Variants in RGS12 observed in about 807,000 individuals in gnomAD.
RGS12 encodes the protein regulator of G-protein signaling 12.
In RGS12, 66 loss-of-function variants were observed where a neutral mutation model predicts 120.1. The ratio of observed to expected loss-of-function variants is 0.55; its 90% CI spans 0.45 to 0.67. The LOEUF is 0.67. RGS12 is among the 30% of genes least tolerant of loss of function. The pLI is 0.00. For synonymous variants in RGS12, 827 were observed against 804.7 expected (o/e 1.03, Z -0.47); for missense variants, 1,859 against 1,957.7 (o/e 0.95, Z 0.95).
intron 3 of RGS12, among the ~76,000 whole-genome samples, chr4:3,359,931 A>C (rs568538914): frequency 1.0e-3 from 156 of 151,862 alleles, no homozygotes; most frequent in African/African-American, 3.3e-3. Context: ...CCATACTTTT[A>C]CATTTTTTTT....
In RGS12 at chr4:3,316,991, T is replaced by G; in HGVS notation, c.821T>G (p.Met274Arg). Residue 274 changes from methionine (M) to arginine (R), a missense_variant, in exon 2 of 18, where the codon ATG becomes AGG. Met to Arg is a moderately conservative substitution (Grantham distance 91). Around this residue, in one of 3 missense-constraint regions of RGS12, gnomAD observed 967 missense variants for 994.2 expected, o/e 0.97. Transcript: ENST00000336727. Reference protein sequence around the residue: ...AEQKIHSLVTMKIMHDCVQLS... With the variant: ...AEQKIHSLVTRKIMHDCVQLS... ...CAGAAAATCCACTCGCTGGTGACCA[T>G]GAAGATCATGCACGACTGTGTGCAG... 1 of 1,613,726 alleles carries G rather than the reference T, an allele frequency of 6.2e-7. No homozygotes were observed. The highest frequency in any genetic ancestry group is 2.2e-5 in the East Asian group (1 of 44,870).
rs374517362 is a variant in RGS12 at position 3,321,552 on chromosome 4, CG to C, written c.1881+3502del. On this transcript the variant is annotated intron_variant, in intron 2 of 17. Coordinates refer to ENST00000336727, the MANE Select transcript of RGS12 (RefSeq NM_001394154.1). ...TGCCTTGGTGTCTGGCACAGTGCCC[CG>C]TTAGGCTACCCAGCGTCTGTATGCA... Among the ~76,000 whole-genome samples, 218 of 152,324 alleles carry C rather than the reference CG, an allele frequency of 1.4e-3. 1 individual carries two copies. Among genetic ancestry groups the C allele is most frequent in the African/African-American group, 5.1e-3 (213 of 41,570 alleles).
intron 6 of RGS12, 105 bp from the exon 7 acceptor site, chr4:3,415,873 C>T (rs1006193900): frequency 3.3e-6 from 4 of 1,202,314 alleles, no homozygotes; most frequent in Non-Finnish European, 3.5e-6. Context: ...TTACTGGGGC[C>T]CGTGAGAACA....
At chr4:3,403,778 A>C (rs1488335672) in intron 4 of RGS12, among the ~76,000 whole-genome samples, 4 of 152,198 alleles carry the variant, frequency 2.6e-5, no homozygotes, top group African/African-American at 9.6e-5. Context: ...CCTCACAGGG[A>C]TTCCCGTAAG....
chr4:3,396,628 C>T (rs1286713953), intron 4 of RGS12, among the ~76,000 whole-genome samples: 1 of 152,186 alleles, frequency 6.6e-6, no homozygotes, highest in Non-Finnish European at 1.5e-5. Flanking sequence ...GTCTGTTTGT[C>T]TATCATTGGA....
intron 13 of RGS12, 140 bp from the exon 14 acceptor site, chr4:3,425,324 T>G (rs1390518398): frequency 1.3e-6 from 1 of 741,554 alleles, no homozygotes; most frequent in African/African-American, 1.7e-5. Flanking sequence ...TGTGCCTCAG[T>G]CAGGCAGGCC....
Position 3,316,442 on chromosome 4 carries a change from T to C in RGS12, c.272T>C (p.Leu91Pro). 3 of 1,614,216 alleles carry C rather than the reference T, an allele frequency of 1.9e-6. No homozygotes were observed. Among genetic ancestry groups the C allele is most frequent in the South Asian group, 2.2e-5 (2 of 91,088 alleles). The change falls in exon 2 of 18, where the codon CTT (leucine) becomes CCT (proline). Residue 91 changes from leucine (L) to proline (P), a missense_variant. Physicochemically the swap from Leu to Pro is moderately conservative, Grantham distance 98 (BLOSUM62 -3). Coordinates refer to ENST00000336727, the MANE Select transcript of RGS12 (RefSeq NM_001394154.1). ...VKLIGKCSGV[L>P]HMVIAEGVGR... is the part of the protein sequence containing the mutation. Reference sequence around the variant, plus strand: ...TTAATTGGGAAGTGCTCTGGTGTCCTTCACATGGTGATTGCTGAAGGCGTC... The same window carrying C: ...TTAATTGGGAAGTGCTCTGGTGTCCCTCACATGGTGATTGCTGAAGGCGTC...
intron 4 of RGS12, among the ~76,000 whole-genome samples, chr4:3,406,283 C>T (rs2109058568): frequency 6.6e-6 from 1 of 152,346 alleles, no homozygotes; most frequent in South Asian, 2.1e-4. Flanking sequence ...CTTCCTGTGC[C>T]TCAGAAACTG....
At chr4:3,394,343 A>G (rs1719838005) in intron 4 of RGS12, among the ~76,000 whole-genome samples, 1 of 152,102 alleles carries the variant, frequency 6.6e-6, no homozygotes, top group African/African-American at 2.4e-5. Context: ...TTGTATTTTT[A>G]GTAGAGATGG....
intron 13 of RGS12, among the ~76,000 whole-genome samples, chr4:3,424,269 A>C (rs1047921553): frequency 1.3e-5 from 2 of 152,254 alleles, no homozygotes; most frequent in African/African-American, 4.8e-5. Flanking sequence ...CTTTCCTTGA[A>C]AACTTTATTG....
At chr4:3,292,996 C>T (rs1470601314), upstream of RGS12, 2 of 149,992 alleles carry the variant, frequency 1.3e-5, no homozygotes, top group African/African-American at 4.9e-5. Context: ...TCGGCCCCGC[C>T]CTCGCCTCGA....
At chr4:3,409,538 C>A (rs1327204705) in intron 4 of RGS12, among the ~76,000 whole-genome samples, 1 of 152,152 alleles carries the variant, frequency 6.6e-6, no homozygotes, top group Non-Finnish European at 1.5e-5. Flanking sequence ...GGAGAGCAGC[C>A]CTGTGGGTAG....
the RGS12 span, among the ~76,000 whole-genome samples, chr4:3,286,700 G>C: frequency 6.6e-6 from 1 of 152,198 alleles, no homozygotes; most frequent in Non-Finnish European, 1.5e-5. Context: ...AGCCAGGCGG[G>C]GCCAGCGCTG....
In RGS12 at chr4:3,365,276, C is replaced by A. The variant is rs937855922; in HGVS notation, c.1999-21140C>A. On this transcript the variant is annotated intron_variant, in intron 3 of 17. Transcript: ENST00000336727. This position sits in a 1 kb window ranked among gnomAD's most constrained non-coding sequence, Gnocchi z 4.0. ...TCCGTCTGCTGTTTTCATGCTACAGCGGCAGAGTGGGGTCGAGTGCGTGGT... is the reference window on the plus strand; with the variant it reads ...TCCGTCTGCTGTTTTCATGCTACAGAGGCAGAGTGGGGTCGAGTGCGTGGT... Among the ~76,000 whole-genome samples the A allele has an allele frequency of 6.6e-6, 1 of 152,120 alleles. No homozygotes were observed. The highest frequency in any genetic ancestry group is 1.5e-5 in the Non-Finnish European group (1 of 68,012).
intron 16 of RGS12, among the ~76,000 whole-genome samples, chr4:3,429,002 C>T (rs906424291): frequency 2.0e-5 from 3 of 152,354 alleles, no homozygotes; most frequent in East Asian, 1.9e-4. Context: ...CTCCCTCTCA[C>T]CCCAGCTCCT....
chr4:3,383,971 G>A (rs1018575283), intron 3 of RGS12, among the ~76,000 whole-genome samples: 2 of 152,266 alleles, frequency 1.3e-5, no homozygotes. Context: ...CACTTTGTTC[G>A]GCCTGCCAGA....
At chr4:3,411,218 C>T (rs1002266118) in intron 4 of RGS12, among the ~76,000 whole-genome samples, 4 of 152,222 alleles carry the variant, frequency 2.6e-5, no homozygotes, top group Non-Finnish European at 5.9e-5. Context: ...CCGTGCACCC[C>T]ACTCACTACC....
Position 3,316,250 on chromosome 4 carries a change from G to C in RGS12, c.80G>C (p.Arg27Pro), listed in dbSNP as rs144806041. The change falls in exon 2 of 18, where the codon CGG (arginine) becomes CCG (proline). Residue 27 changes from arginine to proline, a missense_variant. By Grantham distance (103) the Arg-to-Pro change is moderately radical. Coordinates refer to ENST00000336727, the MANE Select transcript of RGS12 (RefSeq NM_001394154.1). ...PPRVRSVEVARGRAGYGFTLS... is the reference protein window; with the variant it reads ...PPRVRSVEVAPGRAGYGFTLS... ...AGGGTGCGGAGTGTGGAGGTTGCCCGGGGGAGGGCCGGCTACGGATTCACG... is the reference window on the plus strand; with the variant it reads ...AGGGTGCGGAGTGTGGAGGTTGCCCCGGGGAGGGCCGGCTACGGATTCACG... 6 of 1,613,182 alleles carry C rather than the reference G, an allele frequency of 3.7e-6. No individual in the cohort carries two copies. The highest frequency in any genetic ancestry group is 2.7e-5 in the African/African-American group (2 of 74,938).
At position 3,295,660 on chromosome 4, in the gene RGS12, C is replaced by CAA. The variant is rs35692556; in HGVS notation, c.-102+2581_-102+2582dup. Reference sequence around the variant, plus strand: ...GGGTGACAAGAGCAAAACTCTGTCTCAAAAAAAAAAAAAAAAAAAAAGCTC... The same window carrying CAA: ...GGGTGACAAGAGCAAAACTCTGTCTCAAAAAAAAAAAAAAAAAAAAAAAGCTC... On this transcript the variant is annotated intron_variant, in intron 1 of 17. Coordinates refer to ENST00000336727, the MANE Select transcript of RGS12 (RefSeq NM_001394154.1). Among the ~76,000 whole-genome samples the CAA allele has an allele frequency of 7.9e-4, 46 of 57,864 alleles. 1 individual carries two copies. The highest frequency in any genetic ancestry group is 3.1e-3 in the South Asian group (5 of 1,634). 38.0% of individuals were successfully genotyped at this position (57,864 alleles called of 152,430 possible).
Sources: allele counts gnomAD v4.1 joint callset (sites outside exome capture counted in the v4.1 genomes callset), GRCh38; gene constraint gnomAD v4.1.1; regional missense constraint gnomAD v4.1.1; non-coding constraint Gnocchi (gnomAD v3.1); transcripts MANE v1.5; gene names NCBI Gene and HGNC (gene_info 2026-07-23, HGNC 2026-07-21).